The following CMC2 variants were observed in gnomAD, a reference collection of about 807,000 sequenced individuals.
CMC2 encodes the protein COX assembly mitochondrial protein 2 homolog.
CMC2 carries 5 observed loss-of-function variants against 7.5 expected under a neutral mutation model. The observed-to-expected ratio is 0.66, with a 90% CI of 0.35 to 1.40. The LOEUF (loss-of-function observed/expected upper bound fraction) is 1.40, where lower values mean the gene tolerates loss of function less well. CMC2 is among the 40% of genes most tolerant of loss of function. The probability of loss-of-function intolerance (pLI) is 0.04; values close to 1 mark genes in which losing one functional copy is unlikely to be tolerated. For synonymous variants in CMC2, 37 were observed against 31.4 expected (o/e 1.18, Z -0.60); for missense variants, 115 against 92.3 (o/e 1.25, Z -1.01).
intron 3 of CMC2, among the ~76,000 whole-genome samples, chr16:80,979,898 A>C (rs974771725): frequency 1.3e-5 from 2 of 152,158 alleles, no homozygotes; most frequent in Non-Finnish European, 2.9e-5. Context: ...CTGGGATTAT[A>C]GGCGTGGGCC....
At position 80,974,492 on chromosome 16, in the gene CMC2, T is replaced by C. The variant is rs1912138825; in HGVS notation, c.*1601A>G. On this transcript the variant is annotated 3_prime_UTR_variant, in exon 4 of 4. Transcript: ENST00000219400. The stretch of plus-strand genomic sequence containing the variant: ...CAACAGATTTCAAAGCTGTCTATGA[T>C]CTTCCTCCACTCTAAGCTCCCATAT... The C allele has an allele frequency of 6.6e-6, 1 of 151,394 alleles. No individual in the cohort carries two copies. Among genetic ancestry groups the C allele is most frequent in the Non-Finnish European group, 1.5e-5 (1 of 68,034 alleles). The allele number at this position is 151,394 out of a possible 1,614,324, so 9.4% of individuals were successfully genotyped here. A position where few individuals can be genotyped will look rare whatever the true frequency, so the allele number is the denominator to read the frequency against.
At position 80,967,034 on chromosome 16, in the gene CMC2, A is replaced by C. The variant is rs1003274869; in HGVS notation, c.*9059T>G. Reference sequence around the variant, plus strand: ...TTTGGGCTACTTCAACACTTTATTTATTCTTTATTCACTAAAAATTCATTC... The same window carrying C: ...TTTGGGCTACTTCAACACTTTATTTCTTCTTTATTCACTAAAAATTCATTC... On this transcript the variant is annotated 3_prime_UTR_variant, in exon 4 of 4. Transcript: ENST00000219400. The C allele has an allele frequency of 2.0e-5, 3 of 152,212 alleles. No individual in the cohort carries two copies. Among genetic ancestry groups the C allele is most frequent in the Admixed American group, 2.0e-4 (3 of 15,284 alleles). The allele number at this position is 152,212 out of a possible 1,614,324, so 9.4% of individuals were successfully genotyped here.
intron 3 of CMC2, chr16:80,980,829 G>C (rs991067394): frequency 1.4e-6 from 1 of 700,020 alleles, no homozygotes; most frequent in Admixed American, 2.0e-5. Context: ...TGAGGCTTCC[G>C]TGAGTTACGA....
In CMC2 at chr16:80,969,781, T is replaced by A. The variant is rs958948741; in HGVS notation, c.*6312A>T. ...GGTGCATGCCTGTAATCCCAGCTAC[T>A]TGGGAGGCTGAGGCACAAGAATCAC... On this transcript the variant is annotated 3_prime_UTR_variant, in exon 4 of 4. Transcript: ENST00000219400. 6.6e-6 allele frequency: 1 copy of A among 151,590 alleles called. No homozygotes were observed. Among genetic ancestry groups the A allele is most frequent in the Non-Finnish European group, 1.5e-5 (1 of 68,168 alleles). The allele number at this position is 151,590 out of a possible 1,614,324, so 9.4% of individuals were successfully genotyped here.
chr16:80,989,704 T>G (rs1682661585), intron 2 of CMC2, among the ~76,000 whole-genome samples: 1 of 151,408 alleles, frequency 6.6e-6, no homozygotes, highest in Admixed American at 6.6e-5. Flanking sequence ...ACACATTATC[T>G]ATTCTACATC....
rs1912098533 is a variant in CMC2 at position 80,973,861 on chromosome 16, G to C, written c.*2232C>G. The C allele has an allele frequency of 6.6e-6, 1 of 152,154 alleles. No homozygotes were observed. The highest frequency in any genetic ancestry group is 6.5e-5 in the Admixed American group (1 of 15,274). 9.4% of individuals were successfully genotyped at this position (152,154 alleles called of 1,614,324 possible). A position where few individuals can be genotyped will look rare whatever the true frequency, so the allele number is the denominator to read the frequency against. Reference sequence around the variant, plus strand: ...GAGTAAGACCTAAAAACAGTAGGTGGTTTGAATATCCCATAAAAACGTACT... The same window carrying C: ...GAGTAAGACCTAAAAACAGTAGGTGCTTTGAATATCCCATAAAAACGTACT... On this transcript the variant is annotated 3_prime_UTR_variant, in exon 4 of 4. Coordinates refer to ENST00000219400, the MANE Select transcript of CMC2 (RefSeq NM_020188.5).
chr16:80,996,873 G>A (rs1475589723), intron 2 of CMC2: 2 of 291,508 alleles, frequency 6.9e-6, no homozygotes, highest in African/African-American at 2.2e-5. Context: ...ATCAGATTAA[G>A]CCAATCATAA....
intron 2 of CMC2, 53 bp downstream of exon 2, chr16:80,997,261 G>T: frequency 1.0e-6 from 1 of 954,470 alleles, no homozygotes; most frequent in Non-Finnish European, 1.7e-6. Context: ...TTACATCAGT[G>T]GGTTATAACT....
rs917674621 is a variant in CMC2 at position 80,972,134 on chromosome 16, G to T, written c.*3959C>A. 4.6e-5 allele frequency: 7 copies of T among 152,298 alleles called. No homozygotes were observed. The highest frequency in any genetic ancestry group is 1.4e-4 in the African/African-American group (6 of 41,450). 9.4% of individuals were successfully genotyped at this position (152,298 alleles called of 1,614,324 possible). A position where few individuals can be genotyped will look rare whatever the true frequency, so the allele number is the denominator to read the frequency against. ...ATCTGATACCAGAGGCAGGAGACTG[G>T]TAACAATAAAGCATCCCTTTGCTTT... On this transcript the variant is annotated 3_prime_UTR_variant, in exon 4 of 4. Transcript: ENST00000219400.
At chr16:80,979,521 C>T (rs979246163) in intron 3 of CMC2, among the ~76,000 whole-genome samples, 1 of 151,962 alleles carries the variant, frequency 6.6e-6, no homozygotes, top group African/African-American at 2.4e-5. Context: ...CTATGTTATA[C>T]AGCTGAAAGT....
chr16:80,977,049 T>C (rs16954368), intron 3 of CMC2, among the ~76,000 whole-genome samples: 9,181 of 152,266 alleles, frequency 0.06, 391 homozygotes, highest in East Asian at 0.21. Context: ...GCTCACATTG[T>C]ATTTCTTTAG....
At position 80,970,533 on chromosome 16, in the gene CMC2, A is replaced by AC. The variant is rs1911843523; in HGVS notation, c.*5559dup. On this transcript the variant is annotated 3_prime_UTR_variant, in exon 4 of 4. Coordinates refer to ENST00000219400, the MANE Select transcript of CMC2 (RefSeq NM_020188.5). ...GAAATGTAAGGATTTAACATCAGTC[A>AC]CAAGAGAAGTCTGATGTATCTATTA... 6.6e-6 allele frequency: 1 copy of AC among 152,234 alleles called. No individual in the cohort carries two copies. The highest frequency in any genetic ancestry group is 2.1e-4 in the South Asian group (1 of 4,826). The allele number at this position is 152,234 out of a possible 1,614,324, so 9.4% of individuals were successfully genotyped here.
intron 1 of CMC2, among the ~76,000 whole-genome samples, chr16:81,002,586 ATTTC>A (rs1373117711): frequency 1.4e-4 from 21 of 152,312 alleles, no homozygotes; most frequent in Admixed American, 1.3e-4. Flanking sequence ...TACTGAAATG[ATTTC>A]TTTAATTGAC....
intron 2 of CMC2, among the ~76,000 whole-genome samples, chr16:80,987,497 G>T (rs939253970): frequency 6.6e-6 from 1 of 152,108 alleles, no homozygotes; most frequent in African/African-American, 2.4e-5. Context: ...TTTCCAAGTA[G>T]CTTTGACGAA....
intron 3 of CMC2, among the ~76,000 whole-genome samples, chr16:80,977,562 C>A (rs531763817): frequency 7.0e-4 from 106 of 152,190 alleles, no homozygotes; most frequent in Non-Finnish European, 1.4e-3. Flanking sequence ...ATTAGTGATA[C>A]CGAGCTCATC....
Position 80,971,564 on chromosome 16 carries a change from T to TTATATATATATATA in CMC2, c.*4515_*4528dup, listed in dbSNP as rs34839018. 8.2e-6 allele frequency: 1 copy of TTATATATATATATA among 121,244 alleles called. No homozygotes were observed. Among genetic ancestry groups the TTATATATATATATA allele is most frequent in the African/African-American group, 3.9e-5 (1 of 25,706 alleles). 7.5% of individuals were successfully genotyped at this position (121,244 alleles called of 1,614,324 possible). ...CTATGGATACTGACATACATACATT[T>TTATATATATATATA]TATATATATATATATATATATGTAT... On this transcript the variant is annotated 3_prime_UTR_variant, in exon 4 of 4. Transcript: ENST00000219400.
At chr16:80,989,889 G>A (rs1279558181) in intron 2 of CMC2, among the ~76,000 whole-genome samples, 1 of 152,108 alleles carries the variant, frequency 6.6e-6, no homozygotes, top group Non-Finnish European at 1.5e-5. Flanking sequence ...ATACATAGAA[G>A]CCAGTGTCAG....
At chr16:81,001,282 G>C (rs902762750) in intron 1 of CMC2, 1 of 152,116 alleles carries the variant, frequency 6.6e-6, no homozygotes, top group Non-Finnish European at 1.5e-5. Context: ...CCAAACCTCA[G>C]TGTCATCCAA....
In CMC2 at chr16:80,970,800, T is replaced by C. The variant is rs1362096011; in HGVS notation, c.*5293A>G. The C allele has an allele frequency of 2.6e-5, 4 of 152,212 alleles. No individual in the cohort carries two copies. The highest frequency in any genetic ancestry group is 4.4e-5 in the Non-Finnish European group (3 of 68,052). The allele number at this position is 152,212 out of a possible 1,614,324, so 9.4% of individuals were successfully genotyped here. ...TAATAGGAAATTAGAATAAATTGGA[T>C]GCAGGGGCTCATGCCTATAATCCCT... is the stretch of plus-strand genomic sequence containing the variant. On this transcript the variant is annotated 3_prime_UTR_variant, in exon 4 of 4. Transcript: ENST00000219400.
Sources: gnomAD v4.1 joint callset for allele counts (sites outside exome capture counted in the v4.1 genomes callset) on GRCh38, gnomAD v4.1.1 for gene constraint, MANE v1.5 for transcripts, NCBI Gene and HGNC (gene_info 2026-07-23, HGNC 2026-07-21) for gene names.